Variants in HMCN1 observed in about 807,000 individuals in gnomAD.
HMCN1 encodes the protein hemicentin-1.
Under a neutral mutation model 625.9 loss-of-function variants are expected in HMCN1, and 321 were observed. The observed-to-expected ratio is 0.51, with a 90% CI of 0.47 to 0.56. The LOEUF (loss-of-function observed/expected upper bound fraction) is 0.56. Among genes scored for constraint, HMCN1 ranks in the 20% least tolerant of loss-of-function variants. HMCN1 has a pLI of 0.00. For synonymous variants in HMCN1, 2,425 were observed against 2,417.6 expected (o/e 1.00, Z -0.09); for missense variants, 6,588 against 6,887.3 (o/e 0.96, Z 1.54).
At chr1:185,755,298 C>G (rs1408663633) in intron 1 of HMCN1, among the ~76,000 whole-genome samples, 1 of 152,052 alleles carries the variant, frequency 6.6e-6, no homozygotes, top group Non-Finnish European at 1.5e-5. Context: ...TTTGTTATTG[C>G]ACGGTAATAT....
chr1:186,045,643 G>A (rs998856027), intron 40 of HMCN1, 45 bp from the exon 41 acceptor site: 1 of 1,415,862 alleles, frequency 7.1e-7, no homozygotes, highest in Admixed American at 1.7e-5. Flanking sequence ...TGTAAACAGT[G>A]TGCTGGCCTG....
At chr1:185,861,556 T>C (rs550576853) in intron 2 of HMCN1, among the ~76,000 whole-genome samples, 38 of 152,326 alleles carry the variant, frequency 2.5e-4, no homozygotes, top group African/African-American at 8.9e-4. Context: ...TCCCAGAATA[T>C]CCATTACAGA....
At chr1:185,827,888 G>T (rs1238381799) in intron 1 of HMCN1, among the ~76,000 whole-genome samples, 1 of 152,112 alleles carries the variant, frequency 6.6e-6, no homozygotes, top group Non-Finnish European at 1.5e-5. Flanking sequence ...AGGAGAAATA[G>T]ATTAATGTGA....
chr1:185,945,737 A>G (rs891991579), intron 11 of HMCN1, among the ~76,000 whole-genome samples: 4 of 152,174 alleles, frequency 2.6e-5, no homozygotes, highest in Admixed American at 2.0e-4. Flanking sequence ...AGAAAACTAC[A>G]TGTGCAAAGC....
At position 186,172,078 on chromosome 1, in the gene HMCN1, G is replaced by A; in HGVS notation, c.15761G>A (p.Cys5254Tyr). The change falls in exon 102 of 107, where the codon TGC becomes TAC. Residue 5254 changes from cysteine (C) to tyrosine (Y), a missense_variant. Cys to Tyr is a radical substitution (Grantham distance 194, BLOSUM62 -2). Around this residue, in one of 3 missense-constraint regions of HMCN1, gnomAD observed 1,954 missense variants for 2,013.1 expected, o/e 0.97. Coordinates refer to ENST00000271588, the MANE Select transcript of HMCN1 (RefSeq NM_031935.3). ...HCKNTRGGYK[C>Y]IDLCPNGMTK... ...AAGAACACCCGTGGTGGCTATAAGT[G>A]CATTGATCTTTGTCCAAATGGAATG... is the stretch of plus-strand genomic sequence containing the variant. 6.2e-7 allele frequency: 1 copy of A among 1,613,850 alleles called. No individual in the cohort carries two copies. The highest frequency in any genetic ancestry group is 8.5e-7 in the Non-Finnish European group (1 of 1,179,786).
intron 9 of HMCN1, among the ~76,000 whole-genome samples, chr1:185,925,711 A>G (rs1667242327): frequency 6.6e-6 from 1 of 152,184 alleles, no homozygotes; most frequent in Non-Finnish European, 1.5e-5. Flanking sequence ...AAATCCTAAA[A>G]TTCAGAGTAA....
intron 81 of HMCN1, 146 bp from the exon 82 acceptor site, chr1:186,125,457 AG>A: frequency 1.5e-6 from 1 of 658,650 alleles, no homozygotes; most frequent in Non-Finnish European, 2.7e-6. Flanking sequence ...CATAGCAGGA[AG>A]CAAATCAATA....
At chr1:186,141,237 G>A (rs972985888) in intron 89 of HMCN1, among the ~76,000 whole-genome samples, 1 of 152,152 alleles carries the variant, frequency 6.6e-6, no homozygotes. Flanking sequence ...TGTAAATACA[G>A]ATGAAGCTTT....
chr1:185,991,994 G>C (rs939834816), intron 22 of HMCN1, among the ~76,000 whole-genome samples: 5 of 152,120 alleles, frequency 3.3e-5, no homozygotes, highest in African/African-American at 1.2e-4. Context: ...ATGGTATCTT[G>C]TAATTGTTTT....
chr1:185,980,961 T>A lies in HMCN1; in HGVS notation c.2567-17T>A. ...CCATAGATGGTATTGGATGAGTAAA[T>A]GAGTTCTTCCTTTTAGACTTATGGG... On this transcript the variant is annotated splice_polypyrimidine_tract_variant and intron_variant, in intron 16 of 106. Transcript: ENST00000271588. 6.9e-7 allele frequency: 1 copy of A among 1,451,568 alleles called. No homozygotes were observed. Among genetic ancestry groups the A allele is most frequent in the Admixed American group, 1.7e-5 (1 of 59,764 alleles). 89.9% of individuals were successfully genotyped at this position (1,451,568 alleles called of 1,614,324 possible). A position where few individuals can be genotyped will look rare whatever the true frequency, so the allele number is the denominator to read the frequency against.
chr1:186,019,889 CTAACTT>C (rs1378861023), intron 35 of HMCN1, among the ~76,000 whole-genome samples, 194 bp downstream of exon 35: 7 of 151,884 alleles, frequency 4.6e-5, no homozygotes, highest in African/African-American at 9.7e-5. Flanking sequence ...GAATTAAAGA[CTAACTT>C]TAACAATGAT....
At position 186,167,687 on chromosome 1, in the gene HMCN1, T is replaced by C. The variant is rs367947188; in HGVS notation, c.15574+745T>C. 2.2e-3 allele frequency among the ~76,000 whole-genome samples: 333 copies of C among 152,334 alleles called. 4 individuals carry two copies. The South Asian group carries it at 0.035, about 16-fold the overall frequency. ...CTGGCAAACACTGATCTTGTTACTG[T>C]CTTTGTGGTTTTGCCTTTTTCCAGA... is the stretch of plus-strand genomic sequence containing the variant. On this transcript the variant is annotated intron_variant, in intron 100 of 106. Coordinates refer to ENST00000271588, the MANE Select transcript of HMCN1 (RefSeq NM_031935.3).
intron 30 of HMCN1, among the ~76,000 whole-genome samples, chr1:186,009,791 A>G (rs1234496323): frequency 6.6e-6 from 1 of 152,198 alleles, no homozygotes; most frequent in Non-Finnish European, 1.5e-5. Flanking sequence ...GAGATTGTGC[A>G]GATTTACTAG....
chr1:185,963,476 A>G (rs1412216709), intron 12 of HMCN1, among the ~76,000 whole-genome samples: 1 of 152,134 alleles, frequency 6.6e-6, no homozygotes, highest in Non-Finnish European at 1.5e-5. Context: ...GCTCACCTGT[A>G]AAACAGAGAT....
intron 18 of HMCN1, among the ~76,000 whole-genome samples, chr1:185,982,678 T>A (rs1362897251): frequency 6.6e-6 from 1 of 152,068 alleles, no homozygotes; most frequent in Non-Finnish European, 1.5e-5. Context: ...TGACCTCAAG[T>A]GATCCATCCA....
chr1:186,187,903 C>G lies in HMCN1; in HGVS notation c.16435C>G (p.Gln5479Glu). 1.2e-6 allele frequency: 2 copies of G among 1,613,776 alleles called. No individual in the cohort carries two copies. Among genetic ancestry groups the G allele is most frequent in the South Asian group, 1.1e-5 (1 of 91,080 alleles). Residue 5479 changes from glutamine (Q) to glutamate (E), a missense_variant, in exon 106 of 107, where the codon CAG becomes GAG. This residue lies in a region of HMCN1 where 1,954 missense variants were observed against 2,013.1 expected (regional missense o/e 0.97). Transcript: ENST00000271588. ...TCQDIDECLE[Q>E]NVHCGPNRMC... ...CCTAGATATCGATGAATGTCTGGAG[C>G]AGAATGTGCACTGTGGACCCAATCG...
rs1318875180 is a variant in HMCN1, at chr1:186,123,304, G to A, written c.12499+84G>A. On this transcript the variant is annotated intron_variant, in intron 81 of 106. Transcript: ENST00000271588. ...GCTACCAAGAGCAAATCTGATGGAA[G>A]TCAAAAACCCTTAAACTCAGTAATC... 3.3e-6 allele frequency: 5 copies of A among 1,500,910 alleles called. No individual in the cohort carries two copies. The Admixed American group carries it at 9.7e-5, about 29-fold the overall frequency. The allele number at this position is 1,500,910 out of a possible 1,614,324, so 93.0% of individuals were successfully genotyped here. A position where few individuals can be genotyped will look rare whatever the true frequency, so the allele number is the denominator to read the frequency against.
chr1:185,738,233 G>A (rs1653729316), intron 1 of HMCN1, among the ~76,000 whole-genome samples: 1 of 152,160 alleles, frequency 6.6e-6, no homozygotes, highest in Non-Finnish European at 1.5e-5. Flanking sequence ...AGGTGCAAAT[G>A]TTGCCACAGT....
At position 186,015,303 on chromosome 1, in the gene HMCN1, C is replaced by T. The variant is rs1654287175; in HGVS notation, c.4775C>T (p.Ser1592Leu). 4 of 1,613,686 alleles carry T rather than the reference C, an allele frequency of 2.5e-6. No homozygotes were observed. The African/African-American group carries it at 4.0e-5, about 16-fold the overall frequency. The change falls in exon 31 of 107, where the codon TCA (serine) becomes TTA (leucine). Residue 1592 changes from serine (S) to leucine (L), a missense_variant. Physicochemically the swap from Ser to Leu is moderately radical, Grantham distance 145. This residue lies in a region of HMCN1 where 4,628 missense variants were observed against 4,853.1 expected (regional missense o/e 0.95). Transcript: ENST00000271588. ...YKDGQPIMSS[S>L]QALYIDKGQY... ...GACGGGCAGCCAATCATGTCCAGCT[C>T]ACAAGCACTTTATATTGATAAAGGA...
Sources: gnomAD v4.1 joint callset for allele counts (sites outside exome capture counted in the v4.1 genomes callset) on GRCh38, gnomAD v4.1.1 for gene constraint, gnomAD v4.1.1 regional missense constraint, MANE v1.5 for transcripts, NCBI Gene and HGNC (gene_info 2026-07-23, HGNC 2026-07-21) for gene names.